The following DNAAF3 variants were observed in gnomAD, a reference collection of about 807,000 sequenced individuals.
The protein encoded by DNAAF3 is UPF0470 protein C19orf51.
Under a neutral mutation model 50.9 loss-of-function variants are expected in DNAAF3, and 40 were observed. The ratio of observed to expected loss-of-function variants is 0.79; its 90% CI spans 0.61 to 1.02. DNAAF3 has a LOEUF of 1.02. DNAAF3 is among the 50% of genes least tolerant of loss of function. The probability of loss-of-function intolerance (pLI) is 0.00; values close to 1 mark genes in which losing one functional copy is unlikely to be tolerated. For synonymous variants in DNAAF3, 327 were observed against 322.8 expected (o/e 1.01, Z -0.14); for missense variants, 763 against 744.7 (o/e 1.02, Z -0.29).
At position 55,159,416 on chromosome 19, in the gene DNAAF3, C is replaced by CT. The variant is rs1349668884; in HGVS notation, c.1271dup (p.Phe426IlefsTer52). The CT allele has an allele frequency of 1.9e-6, 3 of 1,614,142 alleles. No homozygotes were observed. Among genetic ancestry groups the CT allele is most frequent in the African/African-American group, 2.7e-5 (2 of 75,054 alleles). ...GCTCCCTGACCCGGGTGTTGAATCC[C>CT]TGCAGCTGCTCCTGCCGCACGTCCA... On this transcript the variant is annotated frameshift_variant, in exon 12 of 12. Coordinates refer to ENST00000524407, the MANE Select transcript of DNAAF3 (RefSeq NM_001256715.2). LOFTEE classifies it low-confidence loss of function (END_TRUNC).
chr19:55,161,183 C>T lies in DNAAF3; in HGVS notation c.794G>A (p.Gly265Glu). ...GTACCCGCGCGCTGCCACGCGCTCCCCACGCTGGAAAAGGAGGGAGAGAGG... is the reference window on the plus strand; with the variant it reads ...GTACCCGCGCGCTGCCACGCGCTCCTCACGCTGGAAAAGGAGGGAGAGAGG... ...LASGRLLSYR[G>E]ERVAARGYWG... The change falls in exon 8 of 12, where the codon GGG becomes GAG. Residue 265 changes from glycine to glutamate, a missense_variant. Physicochemically the swap from Gly to Glu is moderately conservative, Grantham distance 98. Coordinates refer to ENST00000524407, the MANE Select transcript of DNAAF3 (RefSeq NM_001256715.2). This position sits in a 1 kb window ranked among gnomAD's most constrained non-coding sequence, Gnocchi z 6.4. 6.4e-7 allele frequency: 1 copy of T among 1,573,836 alleles called. No individual in the cohort carries two copies. Among genetic ancestry groups the T allele is most frequent in the Non-Finnish European group, 8.6e-7 (1 of 1,159,606 alleles).
At chr19:55,165,761 C>G in intron 3 of DNAAF3, 97 bp downstream of exon 3, 1 of 1,536,856 alleles carries the variant, frequency 6.5e-7, no homozygotes, top group Non-Finnish European at 8.8e-7. Context: ...CTAGGAGTCT[C>G]CAGCCCCTTC....
At position 55,161,893 on chromosome 19, in the gene DNAAF3, T is replaced by C. The variant is rs2085843341; in HGVS notation, c.481-68A>G. ...GGATGCAGGGAGAGCGGATTCTAAT[T>C]GACCCTCTCTTCCATCCCAGAACAG... On this transcript the variant is annotated intron_variant, in intron 5 of 11. Coordinates refer to ENST00000524407, the MANE Select transcript of DNAAF3 (RefSeq NM_001256715.2). This position sits in a 1 kb window ranked among gnomAD's most constrained non-coding sequence, Gnocchi z 6.4. 9.5e-6 allele frequency: 13 copies of C among 1,370,516 alleles called. No homozygotes were observed. Among genetic ancestry groups the C allele is most frequent in the Non-Finnish European group, 1.2e-5 (13 of 1,063,364 alleles). The allele number at this position is 1,370,516 out of a possible 1,614,324, so 84.9% of individuals were successfully genotyped here.
In DNAAF3 at chr19:55,161,734, T is replaced by A. The variant is rs1328429841; in HGVS notation, c.572A>T (p.Asp191Val). The A allele has an allele frequency of 2.6e-6, 4 of 1,539,106 alleles. No homozygotes were observed. The South Asian group carries it at 3.6e-5, about 14-fold the overall frequency. Residue 191 changes from aspartate to valine, a missense_variant, in exon 6 of 12, where the codon GAC becomes GTC. Asp to Val is a radical substitution (Grantham distance 152, BLOSUM62 -3). Transcript: ENST00000524407. This position sits in a 1 kb window ranked among gnomAD's most constrained non-coding sequence, Gnocchi z 6.4. ...PQAFPMSRLW[D>V]SRLRHYLGSR... ...GCCCAGGTAGTGGCGCAGGCGCGAG[T>A]CCCAGAGGCGGCTCATGGGGAACGC...
rs1054629595 is a variant in DNAAF3, at chr19:55,161,604, A to T, written c.663+39T>A. 1 of 1,506,158 alleles carries T rather than the reference A, an allele frequency of 6.6e-7. No individual in the cohort carries two copies. The highest frequency in any genetic ancestry group is 8.9e-7 in the Non-Finnish European group (1 of 1,128,976). The allele number at this position is 1,506,158 out of a possible 1,614,324, so 93.3% of individuals were successfully genotyped here. A position where few individuals can be genotyped will look rare whatever the true frequency, so the allele number is the denominator to read the frequency against. ...CCCCAGCCCCTCCTCCCTCAGACCC[A>T]GGGGTCCAGGCCCCCAGCCCCTCTC... On this transcript the variant is annotated intron_variant, in intron 6 of 11. Coordinates refer to ENST00000524407, the MANE Select transcript of DNAAF3 (RefSeq NM_001256715.2). The surrounding 1 kb of genome is among the most constrained non-coding windows in gnomAD (Gnocchi z 6.4).
In DNAAF3 at chr19:55,159,572, C is replaced by T. The variant is rs755788366; in HGVS notation, c.1199G>A (p.Cys400Tyr). 1.2e-6 allele frequency: 2 copies of T among 1,607,358 alleles called. No individual in the cohort carries two copies. Among genetic ancestry groups the T allele is most frequent in the East Asian group, 2.2e-5 (1 of 44,826 alleles). Residue 400 changes from cysteine (C) to tyrosine (Y), a missense_variant, in exon 11 of 12, where the codon TGT (cysteine) becomes TAT (tyrosine). Transcript: ENST00000524407. ...AATCAAGTTCCCTCCGGGTGCCACA[C>T]AGGCCCCAAGCTCAGGGATGAGAAG... Reference protein sequence around the residue: ...VHLLIPELGACVAPGGNLIVE... With the variant: ...VHLLIPELGAYVAPGGNLIVE...
chr19:55,165,989 C>G lies in DNAAF3; in HGVS notation c.97G>C (p.Asp33His). 6.2e-7 allele frequency: 1 copy of G among 1,614,210 alleles called. No individual in the cohort carries two copies. Among genetic ancestry groups the G allele is most frequent in the Non-Finnish European group, 8.5e-7 (1 of 1,180,036 alleles). Reference sequence around the variant, plus strand: ...ACTGTATCGGCCTGGGAGTCTGGGTCCACAGGAGGACCTGGCAAGATGACA... The same window carrying G: ...ACTGTATCGGCCTGGGAGTCTGGGTGCACAGGAGGACCTGGCAAGATGACA... ...LDLQAESPPV[D>H]PDSQADTVHS... The change falls in exon 3 of 12, where the codon GAC becomes CAC. Residue 33 changes from aspartate (D) to histidine (H), a missense_variant. Coordinates refer to ENST00000524407, the MANE Select transcript of DNAAF3 (RefSeq NM_001256715.2).
chr19:55,159,479 C>T (rs200506321), intron 11 of DNAAF3, 30 bp from the exon 12 acceptor site: 1 of 1,606,362 alleles, frequency 6.2e-7, no homozygotes, highest in Non-Finnish European at 8.5e-7. Context: ...TGTCAGGGAC[C>T]CAGATTTTGA....
In DNAAF3 at chr19:55,161,080, G is replaced by A. The variant is rs2085819694; in HGVS notation, c.897C>T (p.Asn299=). ...ADDESLLRTS[N]GQPVKTAGEI... ...CGCCGCGCACCTTGACTGGCTGGCC[G>A]TTGCTCGTCCGCAGGAGGCTCTCGT... Residue 299 remains asparagine (N), a synonymous_variant, in exon 8 of 12, where the codon AAC becomes AAT. Coordinates refer to ENST00000524407, the MANE Select transcript of DNAAF3 (RefSeq NM_001256715.2). The surrounding 1 kb of genome is among the most constrained non-coding windows in gnomAD (Gnocchi z 6.4). The A allele has an allele frequency of 1.3e-6, 2 of 1,541,498 alleles. No homozygotes were observed. The highest frequency in any genetic ancestry group is 1.2e-5 in the South Asian group (1 of 83,794).
rs1447845876 is a variant in DNAAF3, at chr19:55,160,839, T to TG, written c.913-65dup. The TG allele has an allele frequency of 6.4e-7, 1 of 1,566,332 alleles. No individual in the cohort carries two copies. Among genetic ancestry groups the TG allele is most frequent in the Non-Finnish European group, 8.6e-7 (1 of 1,164,866 alleles). On this transcript the variant is annotated intron_variant, in intron 8 of 11. Transcript: ENST00000524407. This position sits in a 1 kb window ranked among gnomAD's most constrained non-coding sequence, Gnocchi z 4.7. ...GATGGCGGGGCGGGGCTTAGAACGC[T>TG]GGGAGTCCTCGGTCCAGGACTAGAA...
Position 55,161,692 on chromosome 19 carries a change from CG to C in DNAAF3, c.613del (p.Arg205GlyfsTer11). On this transcript the variant is annotated frameshift_variant, in exon 6 of 12. Coordinates refer to ENST00000524407, the MANE Select transcript of DNAAF3 (RefSeq NM_001256715.2). LOFTEE classifies it high-confidence loss of function. The surrounding 1 kb of genome is among the most constrained non-coding windows in gnomAD (Gnocchi z 6.4). ...CAGGTCCCAGTCGCTGACACCGCGCCGGGCGTCGTAGCGGGAGCCCAGGTAG... is the reference window on the plus strand; with the variant it reads ...CAGGTCCCAGTCGCTGACACCGCGCCGGCGTCGTAGCGGGAGCCCAGGTAG... ...RHYLGSRYDA[R>X]RGVSDWDLRM... 6.5e-7 allele frequency: 1 copy of C among 1,540,792 alleles called. No individual in the cohort carries two copies.
At chr19:55,162,408 C>T in intron 4 of DNAAF3, 118 bp from the exon 5 acceptor site, 2 of 1,118,868 alleles carry the variant, frequency 1.8e-6, no homozygotes, top group Non-Finnish European at 2.3e-6. Context: ...CCGCAAACTC[C>T]CCACGCATCC....
rs771791101 is a variant in DNAAF3 at position 55,159,533 on chromosome 19, C to A, written c.1238G>T (p.Arg413Leu). Reference protein sequence around the residue: ...PGGNLIVELARYLVDVRQEQL... With the variant: ...PGGNLIVELALYLVDVRQEQL... ...CCCACCCTCCACCCCACTGACTCAC[C>A]GGGCTAATTCCACAATCAAGTTCCC... The change falls in exon 11 of 12, where the codon CGG (arginine) becomes CTG (leucine). Residue 413 changes from arginine (R) to leucine (L), a missense_variant and splice_region_variant. Transcript: ENST00000524407. 11 of 1,596,406 alleles carry A rather than the reference C, an allele frequency of 6.9e-6. No homozygotes were observed. The highest frequency in any genetic ancestry group is 9.4e-6 in the Non-Finnish European group (11 of 1,170,518).
chr19:55,161,095 G>A lies in DNAAF3; in HGVS notation c.882C>T (p.Leu294=). The A allele has an allele frequency of 6.5e-7, 1 of 1,543,792 alleles. No individual in the cohort carries two copies. Among genetic ancestry groups the A allele is most frequent in the Non-Finnish European group, 8.7e-7 (1 of 1,146,500 alleles). ...AFGIEADDES[L]LRTSNGQPVK... ...CTGGCTGGCCGTTGCTCGTCCGCAG[G>A]AGGCTCTCGTCGTCCGCTTCGATGC... Residue 294 remains leucine (L), a synonymous_variant, in exon 8 of 12, where the codon CTC becomes CTT. Coordinates refer to ENST00000524407, the MANE Select transcript of DNAAF3 (RefSeq NM_001256715.2). The surrounding 1 kb of genome is among the most constrained non-coding windows in gnomAD (Gnocchi z 6.4).
At chr19:55,159,810 G>T (rs1157630100) in intron 10 of DNAAF3, 89 bp downstream of exon 10, 1 of 1,361,272 alleles carries the variant, frequency 7.3e-7, no homozygotes, top group Non-Finnish European at 9.6e-7. Context: ...AGCAAGGAGG[G>T]GCTGGGGGCC....
rs528163021 is a variant in DNAAF3, at chr19:55,161,020, A to AC, written c.912+44dup. The AC allele has an allele frequency of 8.0e-4, 1,199 of 1,499,072 alleles. 1 individual carries two copies. Among genetic ancestry groups the AC allele is most frequent in the Middle Eastern group, 4.8e-3 (20 of 4,174 alleles). The allele number at this position is 1,499,072 out of a possible 1,614,324, so 92.9% of individuals were successfully genotyped here. ...GGGGCGGGGCCTTGCGCACCCACCG[A>AC]CCCCCAGCCCCACCTCTACCCCCAG... On this transcript the variant is annotated intron_variant, in intron 8 of 11. Transcript: ENST00000524407. This position sits in a 1 kb window ranked among gnomAD's most constrained non-coding sequence, Gnocchi z 6.4.
intron 3 of DNAAF3, 110 bp from the exon 4 acceptor site, chr19:55,165,573 C>T: frequency 9.1e-7 from 1 of 1,094,560 alleles, no homozygotes; most frequent in Non-Finnish European, 1.3e-6. Flanking sequence ...GAGTTCTGTA[C>T]ACCAGCCTCT....
chr19:55,161,006 T>G lies in DNAAF3; in HGVS notation c.912+59A>C. 6.7e-7 allele frequency: 1 copy of G among 1,490,622 alleles called. No homozygotes were observed. Among genetic ancestry groups the G allele is most frequent in the Non-Finnish European group, 8.9e-7 (1 of 1,121,812 alleles). 92.3% of individuals were successfully genotyped at this position (1,490,622 alleles called of 1,614,324 possible). A position where few individuals can be genotyped will look rare whatever the true frequency, so the allele number is the denominator to read the frequency against. ...CGGGGCCTGCTGTGGGGGCGGGGCC[T>G]TGCGCACCCACCGACCCCCAGCCCC... On this transcript the variant is annotated intron_variant, in intron 8 of 11. Coordinates refer to ENST00000524407, the MANE Select transcript of DNAAF3 (RefSeq NM_001256715.2). This position sits in a 1 kb window ranked among gnomAD's most constrained non-coding sequence, Gnocchi z 6.4.
At chr19:55,163,480 C>G (rs540267495) in intron 4 of DNAAF3, among the ~76,000 whole-genome samples, 1 of 151,610 alleles carries the variant, frequency 6.6e-6, no homozygotes, top group Non-Finnish European at 1.5e-5. Flanking sequence ...CTTGTAGAGA[C>G]GGGGTCTCAC....
Sources: allele counts gnomAD v4.1 joint callset (sites outside exome capture counted in the v4.1 genomes callset), GRCh38; gene constraint gnomAD v4.1.1; non-coding constraint Gnocchi (gnomAD v3.1); transcripts MANE v1.5; gene names NCBI Gene and HGNC (gene_info 2026-07-23, HGNC 2026-07-21).